Variants in XRCC4 observed in about 807,000 individuals in gnomAD.
XRCC4 encodes DNA repair protein XRCC4.
A neutral mutation model predicts 39.1 loss-of-function variants in XRCC4; 28 were observed. The ratio of observed to expected loss-of-function variants is 0.72; its 90% CI spans 0.53 to 0.98. The LOEUF is 0.98. XRCC4 is among the 50% of genes least tolerant of loss of function. XRCC4 has a pLI of 0.00. For missense variants in XRCC4, 350 were observed against 376.4 expected, an observed-to-expected ratio of 0.93 and a Z score of 0.58; for synonymous variants, 123 against 126.4, an observed-to-expected ratio of 0.97 and a Z score of 0.18.
chr5:83,080,883 T>C (rs1049753484), intron 1 of XRCC4, among the ~76,000 whole-genome samples: 1 of 152,218 alleles, frequency 6.6e-6, no homozygotes, highest in Non-Finnish European at 1.5e-5. Flanking sequence ...AGAAATCCTA[T>C]GTTGATGTTG....
intron 3 of XRCC4, among the ~76,000 whole-genome samples, chr5:83,134,121 A>G (rs1434817814): frequency 6.6e-6 from 1 of 152,150 alleles, no homozygotes; most frequent in Non-Finnish European, 1.5e-5. Flanking sequence ...TCGTGGAATC[A>G]TTGACCATGA....
intron 3 of XRCC4, among the ~76,000 whole-genome samples, chr5:83,136,080 A>T (rs996641733): frequency 6.6e-6 from 1 of 152,194 alleles, no homozygotes; most frequent in African/African-American, 2.4e-5. Flanking sequence ...GCTTTGTTAA[A>T]CAGGAACAAA....
chr5:83,342,459 A>G (rs1446587702), intron 7 of XRCC4, among the ~76,000 whole-genome samples: 1 of 152,150 alleles, frequency 6.6e-6, no homozygotes, highest in Non-Finnish European at 1.5e-5. Flanking sequence ...ACTCTTTATT[A>G]TTCTGCTGAT....
At chr5:83,093,377 C>T (rs1326011587) in intron 1 of XRCC4, among the ~76,000 whole-genome samples, 1 of 152,162 alleles carries the variant, frequency 6.6e-6, no homozygotes, top group Non-Finnish European at 1.5e-5. Context: ...AACTTCAATG[C>T]ACCACTTTCA....
At chr5:83,188,019 G>C (rs990556256) in intron 3 of XRCC4, among the ~76,000 whole-genome samples, 2 of 152,128 alleles carry the variant, frequency 1.3e-5, no homozygotes, top group African/African-American at 4.8e-5. Flanking sequence ...GTTTTGTTTA[G>C]ATTGGTAAAA....
At chr5:83,132,162 A>T (rs1747625883) in intron 3 of XRCC4, among the ~76,000 whole-genome samples, 1 of 152,078 alleles carries the variant, frequency 6.6e-6, no homozygotes, top group African/African-American at 2.4e-5. Flanking sequence ...CTGGACATGA[A>T]ATTCTGGGTT....
intron 7 of XRCC4, chr5:83,310,685 T>TA (rs1292264693): frequency 2.4e-6 from 1 of 423,224 alleles, no homozygotes; most frequent in African/African-American, 2.1e-5. Flanking sequence ...GCTTTTACGG[T>TA]AAAACGTATT....
At chr5:83,143,303 CA>C (rs1384678100) in intron 3 of XRCC4, among the ~76,000 whole-genome samples, 7 of 151,818 alleles carry the variant, frequency 4.6e-5, no homozygotes, top group Non-Finnish European at 8.8e-5. Flanking sequence ...GTGAAAATAC[CA>C]AAATGTGTAG....
chr5:83,149,604 A>G (rs1392932599), intron 3 of XRCC4, among the ~76,000 whole-genome samples: 1 of 152,166 alleles, frequency 6.6e-6, no homozygotes, highest in African/African-American at 2.4e-5. Context: ...CAATATTTTG[A>G]AATATTTAGT....
At chr5:83,328,598 G>A (rs1016232343) in intron 7 of XRCC4, among the ~76,000 whole-genome samples, 8 of 152,126 alleles carry the variant, frequency 5.3e-5, no homozygotes, top group African/African-American at 1.9e-4. Flanking sequence ...TCCATTATTT[G>A]TAGTTTCACT....
At chr5:83,336,611 T>C (rs937716487) in intron 7 of XRCC4, among the ~76,000 whole-genome samples, 2 of 152,300 alleles carry the variant, frequency 1.3e-5, no homozygotes, top group Non-Finnish European at 1.5e-5. Flanking sequence ...TAGCCAGATA[T>C]AAGAGATTTA....
chr5:83,233,373 G>A (rs929347090), intron 6 of XRCC4, among the ~76,000 whole-genome samples: 1 of 152,090 alleles, frequency 6.6e-6, no homozygotes, highest in Admixed American at 6.6e-5. Flanking sequence ...AAAATAAGCA[G>A]CTTTTCTATT....
intron 2 of XRCC4, among the ~76,000 whole-genome samples, chr5:83,109,727 G>A (rs1746359662): frequency 6.6e-6 from 1 of 151,906 alleles, no homozygotes. Context: ...GTAGATTCAT[G>A]GAATATCTGA....
intron 7 of XRCC4, among the ~76,000 whole-genome samples, chr5:83,289,944 A>T (rs1403940381): frequency 2.0e-5 from 3 of 151,790 alleles, no homozygotes; most frequent in Non-Finnish European, 2.9e-5. Flanking sequence ...CATAAACTGT[A>T]GGAAAGGATG....
chr5:83,368,153 A>G, the XRCC4 span, among the ~76,000 whole-genome samples: 514 of 152,226 alleles, frequency 3.4e-3, 15 homozygotes, highest in East Asian at 0.077. Flanking sequence ...AACAAAATTA[A>G]TTTTGCAAGC....
intron 6 of XRCC4, among the ~76,000 whole-genome samples, chr5:83,217,359 A>AG (rs1554065828): frequency 8.6e-5 from 2 of 23,194 alleles, no homozygotes; most frequent in African/African-American, 3.2e-4. Flanking sequence ...ACTCCGTCTC[A>AG]AAAAAAAAAA....
intron 4 of XRCC4, among the ~76,000 whole-genome samples, chr5:83,196,256 T>C (rs900610261): frequency 2.0e-5 from 3 of 152,062 alleles, no homozygotes; most frequent in Non-Finnish European, 4.4e-5. Context: ...GCTCAAATTA[T>C]AGGATTAATA....
chr5:83,154,803 G>A lies in XRCC4; in HGVS notation c.316-40967G>A, dbSNP rs865991919. 3.3e-5 allele frequency among the ~76,000 whole-genome samples: 5 copies of A among 152,170 alleles called. No individual in the cohort carries two copies. In the Middle Eastern group the frequency reaches 0.01, roughly 311 times the overall value. On this transcript the variant is annotated intron_variant, in intron 3 of 7. Coordinates refer to ENST00000396027, the MANE Select transcript of XRCC4 (RefSeq NM_003401.5). ...ATTGGACAAATTGAAAAGTAACCAC[G>A]AGGTGCCTTTCAGTCACCTACAGGA... is the stretch of plus-strand genomic sequence containing the variant.
intron 7 of XRCC4, among the ~76,000 whole-genome samples, chr5:83,304,653 AT>A (rs1755414707): frequency 6.6e-6 from 1 of 152,192 alleles, no homozygotes; most frequent in South Asian, 2.1e-4. Flanking sequence ...ACATGTAGTC[AT>A]TTAGAGAAAC....
Sources: allele counts gnomAD v4.1 joint callset (sites outside exome capture counted in the v4.1 genomes callset), GRCh38; gene constraint gnomAD v4.1.1; transcripts MANE v1.5; gene names NCBI Gene and HGNC (gene_info 2026-07-23, HGNC 2026-07-21).